Variants in CTNND2 observed in about 807,000 individuals in gnomAD.
The protein encoded by CTNND2 is catenin delta 2.
CTNND2 carries 22 observed loss-of-function variants against 144.4 expected under a neutral mutation model. That is an observed-to-expected ratio of 0.15 (90% CI 0.11 to 0.22). The LOEUF is 0.22. CTNND2 is among the 10% of genes least tolerant of loss of function. The pLI, the probability that CTNND2 is intolerant of heterozygous loss-of-function variation, is 1.00. For synonymous variants in CTNND2, 751 were observed against 695.6 expected (o/e 1.08, Z -1.25); for missense variants, 1,353 against 1,618.8 (o/e 0.84, Z 2.82).
intron 9 of CTNND2, among the ~76,000 whole-genome samples, chr5:11,261,421 C>A (rs913295981): frequency 1.3e-5 from 2 of 152,198 alleles, no homozygotes; most frequent in African/African-American, 4.8e-5. Flanking sequence ...GCAAGCTACC[C>A]AATGTCCTCC....
At chr5:11,419,010 CTATATAGATGTCTATCTATA>C (rs1459273103) in intron 3 of CTNND2, among the ~76,000 whole-genome samples, 4 of 143,596 alleles carry the variant, frequency 2.8e-5, no homozygotes, top group African/African-American at 1.0e-4. Flanking sequence ...ATATATATAT[CTATATAGATGTCTATCTATA>C]TATAGATATA....
chr5:11,203,766 T>C (rs1479525969), intron 10 of CTNND2, among the ~76,000 whole-genome samples: 3 of 152,216 alleles, frequency 2.0e-5, no homozygotes, highest in African/African-American at 7.2e-5. Flanking sequence ...AATGTATATC[T>C]TGTTATTTAT....
At chr5:11,374,775 CTTTTTTTTTTTTTTTTTTT>C (rs56327510) in intron 7 of CTNND2, among the ~76,000 whole-genome samples, 4 of 99,380 alleles carry the variant, frequency 4.0e-5, no homozygotes, top group African/African-American at 1.4e-4. Flanking sequence ...TCCCAATCTA[CTTTTTTTTTTTTTTTTTTT>C]TTTTTTTTTT....
intron 1 of CTNND2, among the ~76,000 whole-genome samples, chr5:11,802,985 T>A (rs567219073): frequency 1.2e-4 from 18 of 152,290 alleles, no homozygotes; most frequent in Middle Eastern, 3.4e-3. Context: ...TCTCAAAAGT[T>A]TGTTAACCAA....
chr5:11,465,715 A>G (rs920392020), intron 3 of CTNND2, among the ~76,000 whole-genome samples: 1 of 152,188 alleles, frequency 6.6e-6, no homozygotes, highest in Non-Finnish European at 1.5e-5. Context: ...TGACTAAATA[A>G]TCTTAGCAAG....
At chr5:11,530,943 T>G (rs1353382372) in intron 3 of CTNND2, among the ~76,000 whole-genome samples, 1 of 152,186 alleles carries the variant, frequency 6.6e-6, no homozygotes, top group Non-Finnish European at 1.5e-5. Context: ...GCACTCTGTT[T>G]ACACTGTAGT....
At chr5:11,024,271 A>G (rs899715803) in intron 16 of CTNND2, among the ~76,000 whole-genome samples, 4 of 152,184 alleles carry the variant, frequency 2.6e-5, no homozygotes, top group Non-Finnish European at 5.9e-5. Context: ...GAAAATGCTG[A>G]TACTTAAATT....
At chr5:11,255,956 T>C (rs1389782208) in intron 9 of CTNND2, among the ~76,000 whole-genome samples, 1 of 152,198 alleles carries the variant, frequency 6.6e-6, no homozygotes, top group African/African-American at 2.4e-5. Context: ...CCCAGCATTT[T>C]ACTGACCTTC....
intron 2 of CTNND2, among the ~76,000 whole-genome samples, chr5:11,663,919 GGATCT>G (rs1479686759): frequency 2.6e-5 from 4 of 151,978 alleles, no homozygotes; most frequent in Non-Finnish European, 5.9e-5. Flanking sequence ...ATACTAAAAG[GGATCT>G]GATTGGCAAC....
intron 16 of CTNND2, among the ~76,000 whole-genome samples, chr5:11,069,304 G>A (rs1334414265): frequency 6.6e-6 from 1 of 152,118 alleles, no homozygotes; most frequent in Non-Finnish European, 1.5e-5. Flanking sequence ...AGTGTAAATA[G>A]GGCAAAAATA....
At chr5:11,305,256 A>G (rs1311109448) in intron 9 of CTNND2, among the ~76,000 whole-genome samples, 1 of 152,182 alleles carries the variant, frequency 6.6e-6, no homozygotes, top group Non-Finnish European at 1.5e-5. Flanking sequence ...GAAGCATTTA[A>G]GTGGATTCCC....
At chr5:11,220,777 G>C (rs1739711200) in intron 10 of CTNND2, among the ~76,000 whole-genome samples, 1 of 152,122 alleles carries the variant, frequency 6.6e-6, no homozygotes, top group Non-Finnish European at 1.5e-5. Flanking sequence ...GAGACGTTTT[G>C]GCTTAACAAA....
At chr5:11,279,718 T>C (rs574807678) in intron 9 of CTNND2, among the ~76,000 whole-genome samples, 4 of 152,274 alleles carry the variant, frequency 2.6e-5, no homozygotes, top group African/African-American at 7.2e-5. Flanking sequence ...ACAGGAAGCA[T>C]GGTGGCATCT....
intron 11 of CTNND2, among the ~76,000 whole-genome samples, chr5:11,190,060 T>G (rs1560995536): frequency 6.6e-6 from 1 of 152,200 alleles, no homozygotes; most frequent in African/African-American, 2.4e-5. Flanking sequence ...TGTCTCAGCA[T>G]AGAAGGCATG....
At chr5:11,278,960 A>C (rs414052) in intron 9 of CTNND2, among the ~76,000 whole-genome samples, 52,704 of 151,870 alleles carry the variant, frequency 0.35, 9,225 homozygotes, top group Middle Eastern at 0.44. Flanking sequence ...TACCTTCACT[A>C]ACTCCCCCAC....
chr5:11,191,676 G>A (rs541279070), intron 11 of CTNND2, among the ~76,000 whole-genome samples: 2 of 152,294 alleles, frequency 1.3e-5, no homozygotes, highest in South Asian at 4.2e-4. Flanking sequence ...CCCTGCTGCT[G>A]CTCCACCTTT....
chr5:10,984,003 C>T (rs977708708), intron 20 of CTNND2, among the ~76,000 whole-genome samples: 4 of 152,140 alleles, frequency 2.6e-5, no homozygotes, highest in African/African-American at 7.2e-5. Context: ...CCCTGGAACT[C>T]GCTTCCCTCA....
At chr5:11,741,897 G>T (rs1040622195) in intron 1 of CTNND2, among the ~76,000 whole-genome samples, 1 of 151,182 alleles carries the variant, frequency 6.6e-6, no homozygotes, top group African/African-American at 2.4e-5. Flanking sequence ...AATGTTATTT[G>T]CAGTGACCTG....
At chr5:11,703,938 T>C (rs1785575594) in intron 2 of CTNND2, among the ~76,000 whole-genome samples, 1 of 152,232 alleles carries the variant, frequency 6.6e-6, no homozygotes. Flanking sequence ...ATTATCTTTT[T>C]CTGAGGGATT....
Sources: allele counts gnomAD v4.1 joint callset (sites outside exome capture counted in the v4.1 genomes callset), GRCh38; gene constraint gnomAD v4.1.1; transcripts MANE v1.5; gene names NCBI Gene and HGNC (gene_info 2026-07-23, HGNC 2026-07-21).